Variants in EPB41L4A observed in about 807,000 individuals in gnomAD.
EPB41L4A encodes the protein erythrocyte membrane protein band 4.1 like 4A, also known as band 4.1-like protein 4A.
Under a neutral mutation model 108.6 loss-of-function variants are expected in EPB41L4A, and 100 were observed. That is an observed-to-expected ratio of 0.92 (90% CI 0.78 to 1.09). The LOEUF (loss-of-function observed/expected upper bound fraction) is 1.09, where lower values mean the gene tolerates loss of function less well. EPB41L4A is among the 50% of genes least tolerant of loss of function. The pLI is 0.00. For missense variants in EPB41L4A, 1,030 were observed against 842.7 expected (o/e 1.22, Z -2.75); for synonymous variants, 319 against 289.0 (o/e 1.10, Z -1.05).
At chr5:112,179,931 G>T (rs373790861) in intron 18 of EPB41L4A, among the ~76,000 whole-genome samples, 16 of 152,254 alleles carry the variant, frequency 1.1e-4, no homozygotes, top group African/African-American at 3.4e-4. Flanking sequence ...CCAACCAAAA[G>T]CTTCTAGAGC....
intron 4 of EPB41L4A, among the ~76,000 whole-genome samples, chr5:112,269,259 C>A (rs937452245): frequency 3.3e-5 from 5 of 151,722 alleles, no homozygotes; most frequent in Non-Finnish European, 7.4e-5. Context: ...CTTTAACTCA[C>A]TGCATTAAAA....
chr5:112,302,500 CAT>C (rs1283189146), intron 2 of EPB41L4A, among the ~76,000 whole-genome samples: 2 of 152,174 alleles, frequency 1.3e-5, no homozygotes, highest in African/African-American at 2.4e-5. Context: ...GTGGACCACA[CAT>C]GTTAAAGCAC....
At chr5:112,256,107 CT>C in intron 9 of EPB41L4A, among the ~76,000 whole-genome samples, 1 of 152,166 alleles carries the variant, frequency 6.6e-6, no homozygotes, top group South Asian at 2.1e-4. Flanking sequence ...CATCTCTTGC[CT>C]GGATTTTGAA....
chr5:112,261,290 GGAGGAAATGCTAAT>G (rs891078739), intron 7 of EPB41L4A, among the ~76,000 whole-genome samples: 16 of 152,108 alleles, frequency 1.1e-4, no homozygotes, highest in African/African-American at 3.4e-4. Flanking sequence ...GTTTCTTCTT[GGAGGAAATGCTAAT>G]GAGCAAAAGA....
chr5:112,253,660 C>T (rs1404799783), intron 9 of EPB41L4A, among the ~76,000 whole-genome samples: 5 of 152,106 alleles, frequency 3.3e-5, no homozygotes, highest in African/African-American at 7.2e-5. Context: ...CTATGACATA[C>T]GTAACTTACT....
chr5:112,361,662 G>C (rs1758769657), intron 1 of EPB41L4A, among the ~76,000 whole-genome samples: 3 of 149,108 alleles, frequency 2.0e-5, no homozygotes, highest in Admixed American at 1.3e-4. Context: ...TGAGTCCAAA[G>C]AAAAATAGTA....
intron 12 of EPB41L4A, among the ~76,000 whole-genome samples, chr5:112,231,640 CCGGGCGCGGTGG>C (rs1748940329): frequency 6.6e-6 from 1 of 150,738 alleles, no homozygotes; most frequent in Admixed American, 6.6e-5. Context: ...AAAAAAGTAG[CCGGGCGCGGTGG>C]CGGGCGCCTG....
At chr5:112,383,474 T>G (rs969119588) in intron 1 of EPB41L4A, among the ~76,000 whole-genome samples, 6 of 152,220 alleles carry the variant, frequency 3.9e-5, no homozygotes, top group Non-Finnish European at 5.9e-5. Flanking sequence ...AGCATGTTGT[T>G]GGATGCAAAA....
At chr5:112,375,335 A>AT (rs1491386694) in intron 1 of EPB41L4A, among the ~76,000 whole-genome samples, 1 of 144,580 alleles carries the variant, frequency 6.9e-6, no homozygotes, top group Non-Finnish European at 1.5e-5. Flanking sequence ...ACACACACAC[A>AT]TACACACACA....
At chr5:112,318,079 C>G (rs775810533) in intron 1 of EPB41L4A, among the ~76,000 whole-genome samples, 1 of 152,142 alleles carries the variant, frequency 6.6e-6, no homozygotes, top group African/African-American at 2.4e-5. Flanking sequence ...TGAGGAAACT[C>G]AGAGCCGAGA....
chr5:112,350,463 T>C (rs1757967969), intron 1 of EPB41L4A, among the ~76,000 whole-genome samples: 1 of 152,216 alleles, frequency 6.6e-6, no homozygotes, highest in South Asian at 2.1e-4. Flanking sequence ...CTCGAGGATT[T>C]ATCATTTCTG....
chr5:112,246,831 T>C (rs561573197), intron 9 of EPB41L4A, among the ~76,000 whole-genome samples: 10 of 152,298 alleles, frequency 6.6e-5, no homozygotes, highest in South Asian at 2.1e-4. Context: ...TGAATGACTA[T>C]TTTTCCCTAC....
chr5:112,214,939 A>T (rs1423043412), intron 12 of EPB41L4A, among the ~76,000 whole-genome samples: 3 of 152,200 alleles, frequency 2.0e-5, no homozygotes, highest in Admixed American at 6.5e-5. Flanking sequence ...TTTGACATAT[A>T]AAACAAAATT....
At chr5:112,211,885 T>C (rs903809505) in intron 12 of EPB41L4A, among the ~76,000 whole-genome samples, 2 of 152,188 alleles carry the variant, frequency 1.3e-5, no homozygotes, top group Non-Finnish European at 2.9e-5. Context: ...TTTGGAATCT[T>C]GAAATGAAAA....
At chr5:112,174,159 G>T (rs983903532) in intron 18 of EPB41L4A, among the ~76,000 whole-genome samples, 9 of 152,182 alleles carry the variant, frequency 5.9e-5, no homozygotes, top group Admixed American at 5.9e-4. Flanking sequence ...TCCTCTGATT[G>T]CTAGACCACC....
At chr5:112,213,626 T>C (rs1466406982) in intron 12 of EPB41L4A, among the ~76,000 whole-genome samples, 1 of 152,200 alleles carries the variant, frequency 6.6e-6, no homozygotes, top group Non-Finnish European at 1.5e-5. Flanking sequence ...GGTGCTGGGA[T>C]AACAGGCATG....
At position 112,273,829 on chromosome 5, in the gene EPB41L4A, C is replaced by CT. The variant is rs1752431801; in HGVS notation, c.335+1496dup. 2.6e-5 allele frequency among the ~76,000 whole-genome samples: 4 copies of CT among 152,132 alleles called. No individual in the cohort carries two copies. The South Asian group carries it at 8.3e-4, about 32-fold the overall frequency. On this transcript the variant is annotated intron_variant, in intron 4 of 22. Coordinates refer to ENST00000261486, the MANE Select transcript of EPB41L4A (RefSeq NM_022140.5). Reference sequence around the variant, plus strand: ...TTGAATTCAGTTTCCCTCTGAAACTCTAATGAAAATACCATCCCTCCCCTC... The same window carrying CT: ...TTGAATTCAGTTTCCCTCTGAAACTCTTAATGAAAATACCATCCCTCCCCTC...
chr5:112,394,078 T>C (rs112397854), intron 1 of EPB41L4A, among the ~76,000 whole-genome samples: 5,188 of 152,274 alleles, frequency 0.034, 143 homozygotes, highest in Non-Finnish European at 0.055. Context: ...TAGGTATTGA[T>C]AGGATGTAAC....
At chr5:112,386,179 T>C (rs1357353095) in intron 1 of EPB41L4A, among the ~76,000 whole-genome samples, 1 of 152,202 alleles carries the variant, frequency 6.6e-6, no homozygotes, top group African/African-American at 2.4e-5. Context: ...TATCACCCAC[T>C]GAGGGGCATC....
Sources: allele counts gnomAD v4.1 joint callset (sites outside exome capture counted in the v4.1 genomes callset), GRCh38; gene constraint gnomAD v4.1.1; transcripts MANE v1.5; gene names NCBI Gene and HGNC (gene_info 2026-07-23, HGNC 2026-07-21).